The following ATP6V0A4 variants were observed in gnomAD, a reference collection of about 807,000 sequenced individuals.
The protein encoded by ATP6V0A4 is ATPase H+ transporting V0 subunit a4.
In ATP6V0A4, 86 loss-of-function variants were observed where a neutral mutation model predicts 107.3. The ratio of observed to expected loss-of-function variants is 0.80; its 90% CI spans 0.67 to 0.96. The LOEUF (loss-of-function observed/expected upper bound fraction) is 0.96, where lower values mean the gene tolerates loss of function less well. Among genes scored for constraint, ATP6V0A4 ranks in the 40% least tolerant of loss-of-function variants. The pLI is 0.00. For synonymous variants in ATP6V0A4, 353 were observed against 381.4 expected (o/e 0.93, Z 0.87); for missense variants, 908 against 1,045.6 (o/e 0.87, Z 1.81).
intron 12 of ATP6V0A4, among the ~76,000 whole-genome samples, chr7:138,748,140 A>G (rs1337202511): frequency 7.1e-6 from 1 of 141,132 alleles, no homozygotes; most frequent in Non-Finnish European, 1.5e-5. Context: ...CACAAAGTCA[A>G]AAAAAAAAAA....
At chr7:138,792,781 G>GT (rs1808484731) in intron 1 of ATP6V0A4, among the ~76,000 whole-genome samples, 2 of 58,868 alleles carry the variant, frequency 3.4e-5, no homozygotes, top group African/African-American at 6.2e-5. Context: ...TTTTTTTGTT[G>GT]TTTTGTTTTT....
Position 138,747,475 on chromosome 7 carries a change from A to G in ATP6V0A4, c.1270T>C (p.Trp424Arg). Residue 424 changes from tryptophan to arginine, a missense_variant, in exon 13 of 22, where the codon TGG (tryptophan) becomes CGG (arginine). Transcript: ENST00000310018. ...AAGCGTCTCTCATTCAGAATCATCC[A>G]AAGTGCAGCCAGGAGCATCACGGTT... ...HGTVMLLAAL[W>R]MILNERRLLS... 2 of 1,614,132 alleles carry G rather than the reference A, an allele frequency of 1.2e-6. No individual in the cohort carries two copies. The highest frequency in any genetic ancestry group is 1.7e-6 in the Non-Finnish European group (2 of 1,180,030).
chr7:138,717,909 GAAAAAAAA>G (rs55813379), intron 19 of ATP6V0A4, among the ~76,000 whole-genome samples: 2 of 70,934 alleles, frequency 2.8e-5, no homozygotes, highest in Admixed American at 2.0e-4. Context: ...CTCTGTCTCG[GAAAAAAAA>G]AAAAAAAAAA....
Position 138,763,166 on chromosome 7 carries a change from GAC to G in ATP6V0A4, c.292-143_292-142del. On this transcript the variant is annotated intron_variant, in intron 5 of 21. Transcript: ENST00000310018. ...GCAGACCCTAATACACATACACACA[GAC>G]ACACACAGACACACACAGACACACA... The G allele has an allele frequency of 2.3e-5, 13 of 571,530 alleles. No homozygotes were observed. The South Asian group carries it at 2.9e-4, about 13-fold the overall frequency. The allele number at this position is 571,530 out of a possible 1,614,324, so 35.4% of individuals were successfully genotyped here. A position where few individuals can be genotyped will look rare whatever the true frequency, so the allele number is the denominator to read the frequency against.
chr7:138,795,209 T>C (rs1019717755), intron 1 of ATP6V0A4, among the ~76,000 whole-genome samples: 1 of 152,166 alleles, frequency 6.6e-6, no homozygotes, highest in Non-Finnish European at 1.5e-5. Flanking sequence ...GCCCAGCCTA[T>C]ACTATTTTCG....
intron 20 of ATP6V0A4, among the ~76,000 whole-genome samples, chr7:138,715,294 C>T (rs879537025): frequency 7.2e-5 from 11 of 152,088 alleles, no homozygotes; most frequent in African/African-American, 1.4e-4. Context: ...CTCTGCCTTC[C>T]GGGTTCAAGC....
rs1216843620 is a variant in ATP6V0A4 at position 138,760,063 on chromosome 7, C to G, written c.513-185G>C. On this transcript the variant is annotated intron_variant, in intron 7 of 21. Coordinates refer to ENST00000310018, the MANE Select transcript of ATP6V0A4 (RefSeq NM_020632.3). Reference sequence around the variant, plus strand: ...CCCCGCATCCAGCCCTGACTTGCCCCAAGTCCCTTTGACCTTCTGTTTTCT... The same window carrying G: ...CCCCGCATCCAGCCCTGACTTGCCCGAAGTCCCTTTGACCTTCTGTTTTCT... 6.3e-6 allele frequency: 3 copies of G among 472,622 alleles called. No individual in the cohort carries two copies. In the African/African-American group the frequency reaches 6.4e-5, roughly 10 times the overall value. 29.3% of individuals were successfully genotyped at this position (472,622 alleles called of 1,614,324 possible).
At chr7:138,790,639 C>T (rs1223438541) in intron 1 of ATP6V0A4, among the ~76,000 whole-genome samples, 2 of 152,170 alleles carry the variant, frequency 1.3e-5, no homozygotes, top group East Asian at 1.9e-4. Context: ...TTATAAACTG[C>T]TTCCAAGCTT....
intron 1 of ATP6V0A4, among the ~76,000 whole-genome samples, chr7:138,788,962 C>A (rs945895362): frequency 6.6e-6 from 1 of 152,128 alleles, no homozygotes; most frequent in Non-Finnish European, 1.5e-5. Context: ...TTATTAGCAG[C>A]GTGAGAACAG....
intron 14 of ATP6V0A4, among the ~76,000 whole-genome samples, chr7:138,744,518 G>A (rs146330361): frequency 4.1e-3 from 614 of 150,634 alleles, no homozygotes; most frequent in African/African-American, 7.7e-3. Flanking sequence ...GATTACAGGC[G>A]TAAGCCACCG....
chr7:138,734,945 A>T (rs752356505), intron 15 of ATP6V0A4, among the ~76,000 whole-genome samples: 2 of 152,152 alleles, frequency 1.3e-5, no homozygotes, highest in Non-Finnish European at 2.9e-5. Context: ...AGTGCTTCGC[A>T]TTACAAAGCA....
intron 16 of ATP6V0A4, among the ~76,000 whole-genome samples, chr7:138,733,934 G>A (rs1007176074): frequency 2.0e-5 from 3 of 152,086 alleles, no homozygotes; most frequent in African/African-American, 7.2e-5. Context: ...TTACCTTGGA[G>A]AGACTCTGCT....
rs148936107 is a variant in ATP6V0A4 at position 138,739,584 on chromosome 7, G to T, written c.1528C>A (p.Pro510Thr). The change falls in exon 15 of 22, where the codon CCA becomes ACA. Residue 510 changes from proline (P) to threonine (T), a missense_variant. Pro to Thr is a conservative substitution (Grantham distance 38). Coordinates refer to ENST00000310018, the MANE Select transcript of ATP6V0A4 (RefSeq NM_020632.3). Reference sequence around the variant, plus strand: ...TATGGATTTCCAAAATACACTCCTGGTATGGCTGGGTCCAGCTGCAGATAT... The same window carrying T: ...TATGGATTTCCAAAATACACTCCTGTTATGGCTGGGTCCAGCTGCAGATAT... Reference protein sequence around the residue: ...SLYLQLDPAIPGVYFGNPYPF... With the variant: ...SLYLQLDPAITGVYFGNPYPF... 1.7e-4 allele frequency: 267 copies of T among 1,614,026 alleles called. No individual in the cohort carries two copies. The highest frequency in any genetic ancestry group is 2.1e-4 in the Non-Finnish European group (244 of 1,180,044).
At chr7:138,717,993 G>C (rs1341701850) in intron 19 of ATP6V0A4, among the ~76,000 whole-genome samples, 1 of 151,636 alleles carries the variant, frequency 6.6e-6, no homozygotes, top group Non-Finnish European at 1.5e-5. Context: ...AGAAGCTAGA[G>C]CAGTCACGCT....
At chr7:138,758,769 T>TTTTTC (rs1315642999) in intron 8 of ATP6V0A4, among the ~76,000 whole-genome samples, 1 of 82,190 alleles carries the variant, frequency 1.2e-5, no homozygotes, top group Non-Finnish European at 2.4e-5. Flanking sequence ...TTTTTTTTTT[T>TTTTTC]TGAGGGAGTC....
chr7:138,753,706 C>G (rs548168181), intron 10 of ATP6V0A4, among the ~76,000 whole-genome samples: 4 of 152,272 alleles, frequency 2.6e-5, no homozygotes, highest in South Asian at 4.1e-4. Context: ...GACATGCTGG[C>G]TCTAAGATTA....
intron 10 of ATP6V0A4, among the ~76,000 whole-genome samples, chr7:138,754,666 A>C (rs1162638598): frequency 6.6e-6 from 1 of 151,696 alleles, no homozygotes; most frequent in Non-Finnish European, 1.5e-5. Flanking sequence ...TTTGTTGCCC[A>C]GGCTGGAGTG....
rs540433221 is a variant in ATP6V0A4, at chr7:138,736,814, G to A, written c.1573-2560C>T. Among the ~76,000 whole-genome samples, 51 of 151,914 alleles carry A rather than the reference G, an allele frequency of 3.4e-4. No homozygotes were observed. In the South Asian group the frequency reaches 8.3e-3, roughly 25 times the overall value. ...TCAAACTCCTGACCTCAAATGATCC[G>A]CATGCCTTGGCCTCCCAAAGTGCTG... is the stretch of plus-strand genomic sequence containing the variant. On this transcript the variant is annotated intron_variant, in intron 15 of 21. Transcript: ENST00000310018.
chr7:138,734,406 CA>C, intron 15 of ATP6V0A4, 152 bp from the exon 16 acceptor site: 1 of 1,273,806 alleles, frequency 7.9e-7, no homozygotes, highest in Non-Finnish European at 1.1e-6. Flanking sequence ...TTTTAGAGTC[CA>C]AAAAGGAAAA....
Sources: gnomAD v4.1 joint callset for allele counts (sites outside exome capture counted in the v4.1 genomes callset) on GRCh38, gnomAD v4.1.1 for gene constraint, MANE v1.5 for transcripts, NCBI Gene and HGNC (gene_info 2026-07-23, HGNC 2026-07-21) for gene names.